Variants in KCNIP4 observed in about 807,000 individuals in gnomAD.
KCNIP4 encodes the protein Kv channel-interacting protein 4.
A neutral mutation model predicts 34.0 loss-of-function variants in KCNIP4; 12 were observed. The observed-to-expected ratio is 0.35, with a 90% confidence interval of 0.23 to 0.57. KCNIP4 has a LOEUF of 0.57. KCNIP4 is among the 20% of genes least tolerant of loss of function. The probability of loss-of-function intolerance (pLI) is 0.83; values close to 1 mark genes in which losing one functional copy is unlikely to be tolerated. For synonymous variants in KCNIP4, 124 were observed against 102.2 expected (o/e 1.21, Z -1.29); for missense variants, 238 against 311.7 (o/e 0.76, Z 1.78).
chr4:21,519,398 ATG>A (rs1472417708), intron 1 of KCNIP4, among the ~76,000 whole-genome samples: 2 of 150,940 alleles, frequency 1.3e-5, no homozygotes, highest in East Asian at 2.0e-4. Context: ...ATATATACAT[ATG>A]TGTGTATATG....
intron 1 of KCNIP4, among the ~76,000 whole-genome samples, chr4:21,080,826 T>C (rs1745941515): frequency 6.6e-6 from 1 of 151,872 alleles, no homozygotes; most frequent in Admixed American, 6.6e-5. Context: ...TTTCCACTTG[T>C]GCTAATTTCA....
chr4:21,757,109 AAG>A (rs1344473290), intron 1 of KCNIP4, among the ~76,000 whole-genome samples: 1 of 3,138 alleles, frequency 3.2e-4, no homozygotes. Context: ...AAAAGAAAGA[AAG>A]AAAGAAAGAA....
chr4:21,664,174 C>T (rs1047167701), intron 1 of KCNIP4, among the ~76,000 whole-genome samples: 5 of 152,050 alleles, frequency 3.3e-5, no homozygotes, highest in Non-Finnish European at 1.5e-5. Context: ...GTCTTGAACT[C>T]CTTGCCTCAA....
chr4:21,764,209 A>G (rs1718249038), intron 1 of KCNIP4, among the ~76,000 whole-genome samples: 2 of 152,126 alleles, frequency 1.3e-5, no homozygotes, highest in South Asian at 2.1e-4. Flanking sequence ...TGCGTGGAGG[A>G]TACAGAGGGT....
chr4:20,889,737 A>G (rs1354044793), intron 1 of KCNIP4, among the ~76,000 whole-genome samples: 1 of 150,266 alleles, frequency 6.7e-6, no homozygotes, highest in Non-Finnish European at 1.5e-5. Flanking sequence ...TTCTTGTTAA[A>G]TGATGTTTAA....
At chr4:21,803,731 T>G (rs546768425) in intron 1 of KCNIP4, among the ~76,000 whole-genome samples, 1 of 152,162 alleles carries the variant, frequency 6.6e-6, no homozygotes, top group African/African-American at 2.4e-5. Flanking sequence ...CAGTGAAGCT[T>G]CCAGACCCCT....
At chr4:21,286,344 G>A (rs768266833) in intron 1 of KCNIP4, among the ~76,000 whole-genome samples, 1 of 152,190 alleles carries the variant, frequency 6.6e-6, no homozygotes, top group Non-Finnish European at 1.5e-5. Flanking sequence ...TTGAGCAGGG[G>A]AGAATTAACA....
chr4:20,836,055 C>T (rs1413932743), intron 3 of KCNIP4, among the ~76,000 whole-genome samples: 1 of 152,172 alleles, frequency 6.6e-6, no homozygotes, highest in East Asian at 1.9e-4. Flanking sequence ...ATGACCAAAT[C>T]CATTATTTGC....
chr4:21,419,255 T>C (rs1234167930), intron 1 of KCNIP4, among the ~76,000 whole-genome samples: 1 of 152,202 alleles, frequency 6.6e-6, no homozygotes, highest in Non-Finnish European at 1.5e-5. Context: ...AATAAAATAA[T>C]GACCTATGTG....
intron 1 of KCNIP4, among the ~76,000 whole-genome samples, chr4:21,935,962 T>TTTTA (rs145463167): frequency 1.4e-5 from 2 of 148,052 alleles, no homozygotes; most frequent in East Asian, 4.0e-4. Flanking sequence ...GAAATGAAGA[T>TTTTA]TATATATATA....
chr4:21,023,623 G>A (rs181049459), intron 1 of KCNIP4, among the ~76,000 whole-genome samples: 1 of 152,196 alleles, frequency 6.6e-6, no homozygotes, highest in Non-Finnish European at 1.5e-5. Flanking sequence ...CACAATGAGG[G>A]CCAAGCACAG....
chr4:21,370,822 T>A (rs1444122069), intron 1 of KCNIP4, among the ~76,000 whole-genome samples: 1 of 28,306 alleles, frequency 3.5e-5, no homozygotes, highest in African/African-American at 2.1e-4. Context: ...TATATATATA[T>A]ATATATATAT....
chr4:21,744,085 T>G (rs1185787734), intron 1 of KCNIP4, among the ~76,000 whole-genome samples: 1 of 152,136 alleles, frequency 6.6e-6, no homozygotes, highest in Non-Finnish European at 1.5e-5. Flanking sequence ...TACTGCAATG[T>G]CAAATGATGT....
intron 1 of KCNIP4, among the ~76,000 whole-genome samples, chr4:21,403,385 A>T (rs967629639): frequency 6.6e-6 from 1 of 152,110 alleles, no homozygotes; most frequent in African/African-American, 2.4e-5. Flanking sequence ...ACTTCCATAC[A>T]ATTGAAATAG....
intron 1 of KCNIP4, among the ~76,000 whole-genome samples, chr4:20,948,465 C>T (rs1311998451): frequency 1.3e-5 from 2 of 152,186 alleles, no homozygotes; most frequent in African/African-American, 4.8e-5. Context: ...TGAGGGGGCT[C>T]TTATCCGGGA....
At chr4:21,312,493 G>A (rs141619301) in intron 1 of KCNIP4, among the ~76,000 whole-genome samples, 17 of 152,230 alleles carry the variant, frequency 1.1e-4, no homozygotes, top group East Asian at 3.9e-4. Flanking sequence ...CCCATGTAAG[G>A]AACACATTCT....
chr4:20,993,190 C>A (rs1311218985), intron 1 of KCNIP4, among the ~76,000 whole-genome samples: 1 of 152,026 alleles, frequency 6.6e-6, no homozygotes, highest in Admixed American at 6.6e-5. Flanking sequence ...GGTTTTTGGA[C>A]CATTAGTCCA....
chr4:21,119,798 A>C (rs910342657), intron 1 of KCNIP4, among the ~76,000 whole-genome samples: 2 of 152,130 alleles, frequency 1.3e-5, no homozygotes, highest in African/African-American at 4.8e-5. Context: ...TAGAAGTTAG[A>C]AACTGAGAGG....
chr4:20,806,953 T>C (rs957389938), intron 3 of KCNIP4, among the ~76,000 whole-genome samples: 4 of 152,170 alleles, frequency 2.6e-5, no homozygotes, highest in Admixed American at 2.0e-4. Context: ...AACATTCATT[T>C]AATCTGATAA....
Sources: gnomAD v4.1 joint callset for allele counts (sites outside exome capture counted in the v4.1 genomes callset) on GRCh38, gnomAD v4.1.1 for gene constraint, MANE v1.5 for transcripts, NCBI Gene and HGNC (gene_info 2026-07-23, HGNC 2026-07-21) for gene names.